FBRSL1: variants seen among roughly 807,000 people sequenced by gnomAD.
FBRSL1 encodes the protein fibrosin like 1, also known as fibrosin-1-like protein.
In FBRSL1, 51 loss-of-function variants were observed where a neutral mutation model predicts 89.6. The ratio of observed to expected loss-of-function variants is 0.57; its 90% CI spans 0.45 to 0.72. The LOEUF is 0.72. Among genes scored for constraint, FBRSL1 ranks in the 30% least tolerant of loss-of-function variants. The pLI, the probability that FBRSL1 is intolerant of heterozygous loss-of-function variation, is 0.00. For synonymous variants in FBRSL1, 779 were observed against 681.1 expected, an observed-to-expected ratio of 1.14 and a Z score of -2.24; for missense variants, 1,618 against 1,451.8, an observed-to-expected ratio of 1.11 and a Z score of -1.86.
chr12:132,514,272 G>A (rs539795594), intron 2 of FBRSL1, among the ~76,000 whole-genome samples: 29 of 152,208 alleles, frequency 1.9e-4, no homozygotes, highest in Non-Finnish European at 3.1e-4. Context: ...AGGACTACCC[G>A]CAGGTGCCCA....
At chr12:132,507,312 C>T (rs2033805157) in intron 1 of FBRSL1, 8 of 985,416 alleles carry the variant, frequency 8.1e-6, no homozygotes, top group Non-Finnish European at 7.2e-6. Context: ...CCGGCTGGCT[C>T]CTCTGGACCC....
Position 132,574,330 on chromosome 12 carries a change from G to T in FBRSL1, c.1611G>T (p.Pro537=), listed in dbSNP as rs752913270. 2.6e-6 allele frequency: 4 copies of T among 1,548,198 alleles called. No homozygotes were observed. The highest frequency in any genetic ancestry group is 1.4e-5 in the African/African-American group (1 of 73,006). Residue 537 remains proline, a synonymous_variant, in exon 13 of 19, where the codon CCG becomes CCT. Transcript: ENST00000680143. ...TCCTGTCTCCACAGGTGTCTGACCCGTACCGGGCGGTGGTCAAGGTGAGCA... is the reference window on the plus strand; with the variant it reads ...TCCTGTCTCCACAGGTGTCTGACCCTTACCGGGCGGTGGTCAAGGTGAGCA... ...LLQKAPGVSD[P]YRAVVKKPGR...
At chr12:132,521,448 G>T (rs2035347442) in intron 2 of FBRSL1, among the ~76,000 whole-genome samples, 1 of 152,216 alleles carries the variant, frequency 6.6e-6, no homozygotes, top group Non-Finnish European at 1.5e-5. Context: ...GCCTGTCCTT[G>T]GCCTGGCAGG....
Position 132,548,027 on chromosome 12 carries a change from G to A in FBRSL1, c.640G>A (p.Asp214Asn), listed in dbSNP as rs932602988. Reference sequence around the variant, plus strand: ...GTGTGACAGCGAGAGCGGCCCGGACGACAAGGTAAGCCCAGCGTCCTCCTC... The same window carrying A: ...GTGTGACAGCGAGAGCGGCCCGGACAACAAGGTAAGCCCAGCGTCCTCCTC... ...YSCDSESGPDDKASVGSEKLF... is the reference protein window; with the variant it reads ...YSCDSESGPDNKASVGSEKLF... The change falls in exon 5 of 19, where the codon GAC becomes AAC. Residue 214 changes from aspartate to asparagine, a missense_variant. Asp to Asn is a conservative substitution (Grantham distance 23). Coordinates refer to ENST00000680143, the MANE Select transcript of FBRSL1 (RefSeq NM_001367871.1). 1.1e-5 allele frequency: 17 copies of A among 1,550,068 alleles called. No homozygotes were observed. The highest frequency in any genetic ancestry group is 1.4e-5 in the Non-Finnish European group (16 of 1,146,714).
intron 1 of FBRSL1, chr12:132,507,305 GCT>G: frequency 1.0e-6 from 1 of 985,586 alleles, no homozygotes; most frequent in South Asian, 4.7e-5. Context: ...TCCCTGGCCG[GCT>G]GGCTCCTCTG....
rs531199362 is a variant in FBRSL1 at position 132,570,049 on chromosome 12, C to T, written c.815C>T (p.Ala272Val). 3.7e-5 allele frequency: 56 copies of T among 1,503,922 alleles called. No individual in the cohort carries two copies. Among genetic ancestry groups the T allele is most frequent in the East Asian group, 1.0e-4 (4 of 38,390 alleles). 93.2% of individuals were successfully genotyped at this position (1,503,922 alleles called of 1,614,324 possible). ...ACTGCCAGCCCCGCGCCCCATGCCGCGCCCTGCCCGGGGCCCCCGCCCGGC... is the reference window on the plus strand; with the variant it reads ...ACTGCCAGCCCCGCGCCCCATGCCGTGCCCTGCCCGGGGCCCCCGCCCGGC... The part of the protein sequence containing the change: ...LPTASPAPHA[A>V]PCPGPPPGSR... The change falls in exon 7 of 19, where the codon GCG (alanine) becomes GTG (valine). Residue 272 changes from alanine to valine, a missense_variant. Ala to Val is a moderately conservative substitution (Grantham distance 64). Transcript: ENST00000680143.
At chr12:132,492,740 C>G (rs1038454045) in intron 1 of FBRSL1, among the ~76,000 whole-genome samples, 1 of 152,232 alleles carries the variant, frequency 6.6e-6, no homozygotes, top group Non-Finnish European at 1.5e-5. Flanking sequence ...TGAGACAAGT[C>G]TGCTGCTGCG....
intron 5 of FBRSL1, among the ~76,000 whole-genome samples, chr12:132,555,662 C>A (rs1303948965): frequency 2.6e-5 from 4 of 152,234 alleles, no homozygotes; most frequent in Admixed American, 2.6e-4. Flanking sequence ...CCTCTTCCCA[C>A]TCCTGCTGAC....
intron 5 of FBRSL1, chr12:132,550,965 C>T (rs2038110634): frequency 4.3e-6 from 1 of 233,624 alleles, no homozygotes; most frequent in African/African-American, 2.2e-5. Flanking sequence ...CACACAGAGG[C>T]GTAGGCAGGT....
chr12:132,531,679 G>A (rs2036301536), intron 4 of FBRSL1, among the ~76,000 whole-genome samples: 1 of 152,096 alleles, frequency 6.6e-6, no homozygotes, highest in African/African-American at 2.4e-5. Flanking sequence ...TGTGCACGTG[G>A]CGTTGTGTGT....
At chr12:132,574,018 A>T in intron 11 of FBRSL1, 72 bp from the exon 12 acceptor site, 4 of 1,070,024 alleles carry the variant, frequency 3.7e-6, no homozygotes, top group Non-Finnish European at 4.7e-6. Context: ...CCACGCCAGA[A>T]CCAGGAAGCC....
intron 15 of FBRSL1, 139 bp downstream of exon 15, chr12:132,577,070 T>C: frequency 8.1e-7 from 1 of 1,233,768 alleles, no homozygotes; most frequent in South Asian, 1.6e-5. Flanking sequence ...CACCACTTAT[T>C]CAGGTCAAAG....
chr12:132,517,649 G>C (rs1265866358), intron 2 of FBRSL1, among the ~76,000 whole-genome samples: 1 of 152,228 alleles, frequency 6.6e-6, no homozygotes, highest in Admixed American at 6.5e-5. Context: ...AGAGCGCTCT[G>C]GGTAGAGGGT....
chr12:132,509,914 C>G, intron 2 of FBRSL1: 11 of 1,231,258 alleles, frequency 8.9e-6, no homozygotes, highest in Non-Finnish European at 1.1e-5. Flanking sequence ...CCCCGGCGGG[C>G]CTTCCTAGCC....
intron 4 of FBRSL1, among the ~76,000 whole-genome samples, chr12:132,545,042 CAG>C (rs1281223559): frequency 1.7e-4 from 26 of 152,234 alleles, no homozygotes; most frequent in Admixed American, 1.7e-3. Context: ...AACTGAGACA[CAG>C]AGAGCTCAGG....
intron 2 of FBRSL1, among the ~76,000 whole-genome samples, chr12:132,523,720 C>T (rs560536164): frequency 6.6e-6 from 1 of 152,342 alleles, no homozygotes; most frequent in South Asian, 2.1e-4. Flanking sequence ...ATGGGGCCAT[C>T]GCCAATGGTC....
intron 5 of FBRSL1, among the ~76,000 whole-genome samples, chr12:132,564,595 A>C (rs866437163): frequency 9.4e-4 from 116 of 123,690 alleles, no homozygotes; most frequent in Admixed American, 2.1e-3. Context: ...TCCCGGGTTC[A>C]CGCCATTCTC....
intron 4 of FBRSL1, among the ~76,000 whole-genome samples, chr12:132,535,124 G>A (rs1256272615): frequency 7.9e-5 from 12 of 152,236 alleles, no homozygotes; most frequent in Admixed American, 3.3e-4. Context: ...GCTGTGACAC[G>A]GGGGTTAGGA....
intron 12 of FBRSL1, 72 bp from the exon 13 acceptor site, chr12:132,574,247 T>C: frequency 2.1e-6 from 3 of 1,457,594 alleles, no homozygotes; most frequent in African/African-American, 2.9e-5. Flanking sequence ...GCAGACGGGC[T>C]GTGTCCCCTG....
Sources: gnomAD v4.1 joint callset for allele counts (sites outside exome capture counted in the v4.1 genomes callset) on GRCh38, gnomAD v4.1.1 for gene constraint, MANE v1.5 for transcripts, NCBI Gene and HGNC (gene_info 2026-07-23, HGNC 2026-07-21) for gene names.